Variants in UPP2 observed in about 807,000 individuals in gnomAD.
UPP2 encodes the protein UPase 2.
UPP2 carries 23 observed loss-of-function variants against 26.7 expected under a neutral mutation model. The ratio of observed to expected loss-of-function variants is 0.86; its 90% CI spans 0.62 to 1.22. The LOEUF is 1.22. Among genes scored for constraint, UPP2 ranks in the 50% most tolerant of loss-of-function variants. The probability of loss-of-function intolerance (pLI) is 0.00; values close to 1 mark genes in which losing one functional copy is unlikely to be tolerated. For synonymous variants in UPP2, 127 were observed against 141.3 expected, an observed-to-expected ratio of 0.90 and a Z score of 0.72; for missense variants, 387 against 396.7, an observed-to-expected ratio of 0.98 and a Z score of 0.21.
At chr2:158,083,739 G>C (rs1157562719) in intron 3 of UPP2, among the ~76,000 whole-genome samples, 1 of 150,194 alleles carries the variant, frequency 6.7e-6, no homozygotes, top group Admixed American at 6.7e-5. Context: ...ATTCCATCTA[G>C]GTTGCTCTGA....
In UPP2 at chr2:158,015,447, C is replaced by G. The variant is rs532752441; in HGVS notation, c.62-354C>G. Among the ~76,000 whole-genome samples, 14 of 152,262 alleles carry G rather than the reference C, an allele frequency of 9.2e-5. 1 individual carries two copies. The highest frequency in any genetic ancestry group is 3.1e-4 in the African/African-American group (13 of 41,548). Reference sequence around the variant, plus strand: ...CTTTTTTAGGCTGAATAATAATCCACTGTATGTATATGCCACATTTTGTTT... The same window carrying G: ...CTTTTTTAGGCTGAATAATAATCCAGTGTATGTATATGCCACATTTTGTTT... On this transcript the variant is annotated intron_variant, in intron 2 of 9. Transcript: ENST00000605860.
intron 3 of UPP2, among the ~76,000 whole-genome samples, chr2:158,031,171 G>T (rs1273948426): frequency 6.6e-6 from 1 of 152,128 alleles, no homozygotes; most frequent in Non-Finnish European, 1.5e-5. Flanking sequence ...GAGTGATTAG[G>T]GGAATCATTT....
chr2:158,060,053 A>G (rs1431791961), intron 3 of UPP2, among the ~76,000 whole-genome samples: 1 of 152,090 alleles, frequency 6.6e-6, no homozygotes, highest in Non-Finnish European at 1.5e-5. Flanking sequence ...AATGCACGCT[A>G]TTTTCAACCA....
chr2:158,118,331 G>A (rs1683486494), intron 4 of UPP2, among the ~76,000 whole-genome samples: 1 of 151,726 alleles, frequency 6.6e-6, no homozygotes, highest in Non-Finnish European at 1.5e-5. Flanking sequence ...TCAGCTAAGT[G>A]AGCAAACTGC....
chr2:158,096,737 T>G (rs1682992391), intron 3 of UPP2, among the ~76,000 whole-genome samples: 1 of 152,196 alleles, frequency 6.6e-6, no homozygotes, highest in African/African-American at 2.4e-5. Context: ...TAATTTGATA[T>G]CATTGCATAT....
At chr2:158,104,287 C>T (rs1365671152) in intron 1 of UPP2, among the ~76,000 whole-genome samples, 2 of 151,780 alleles carry the variant, frequency 1.3e-5, no homozygotes, top group Non-Finnish European at 2.9e-5. Context: ...AAAGCCTTCA[C>T]GGAAGAGGTA....
At chr2:158,004,412 C>T (rs1041186110) in intron 2 of UPP2, among the ~76,000 whole-genome samples, 1 of 151,976 alleles carries the variant, frequency 6.6e-6, no homozygotes, top group Non-Finnish European at 1.5e-5. Flanking sequence ...AAATCCAACA[C>T]CTAATCTATG....
intron 6 of UPP2, among the ~76,000 whole-genome samples, chr2:158,129,538 A>C (rs1000914247): frequency 1.5e-4 from 23 of 152,028 alleles, no homozygotes. Flanking sequence ...AACAGAGATG[A>C]ATTAGAATAG....
intron 1 of UPP2, among the ~76,000 whole-genome samples, chr2:158,103,587 T>C (rs1683120636): frequency 6.6e-6 from 1 of 152,190 alleles, no homozygotes; most frequent in African/African-American, 2.4e-5. Context: ...TAGATTCAGT[T>C]AGGAATCCAA....
chr2:158,001,952 A>C (rs1683414356), intron 2 of UPP2, among the ~76,000 whole-genome samples: 1 of 114,646 alleles, frequency 8.7e-6, no homozygotes, highest in Admixed American at 9.5e-5. Flanking sequence ...GGGGAGAATG[A>C]GCACCAAAAA....
intron 3 of UPP2, among the ~76,000 whole-genome samples, chr2:158,089,269 G>C (rs1682868230): frequency 6.6e-6 from 1 of 152,108 alleles, no homozygotes; most frequent in African/African-American, 2.4e-5. Context: ...GGGGAAAGTT[G>C]TTAGTTACAG....
At chr2:158,107,193 T>C (rs762581072) in intron 2 of UPP2, among the ~76,000 whole-genome samples, 4 of 152,230 alleles carry the variant, frequency 2.6e-5, no homozygotes, top group Non-Finnish European at 5.9e-5. Flanking sequence ...TAAAGAACTT[T>C]TGTTTTCCAA....
rs534788418 is a variant in UPP2 at position 158,122,353 on chromosome 2, T to A, written c.664+735T>A. Among the ~76,000 whole-genome samples, 78 of 152,226 alleles carry A rather than the reference T, an allele frequency of 5.1e-4. 1 individual carries two copies. Among genetic ancestry groups the A allele is most frequent in the Non-Finnish European group, 7.8e-4 (53 of 67,942 alleles). ...CTTTTATTTTCCCTTTAGCTCAAAC[T>A]TAAGATATATTGAATTTTAAAAAAT... On this transcript the variant is annotated intron_variant, in intron 5 of 6. Transcript: ENST00000005756.
chr2:158,005,062 C>A (rs1271606117), intron 2 of UPP2, among the ~76,000 whole-genome samples: 2 of 152,204 alleles, frequency 1.3e-5, no homozygotes, highest in African/African-American at 4.8e-5. Context: ...CACCTCTAGT[C>A]ATGTTTCCTT....
Position 158,088,353 on chromosome 2 carries a change from T to C in UPP2, c.148-13687T>C, listed in dbSNP as rs1682849898. On this transcript the variant is annotated intron_variant, in intron 3 of 9. Coordinates refer to the UPP2 transcript ENST00000605860. ...AGAAGTAGTGATTGTTTTTTATTTATGCTATTTATTTCACTGAAGCTTTTT... is the reference window on the plus strand; with the variant it reads ...AGAAGTAGTGATTGTTTTTTATTTACGCTATTTATTTCACTGAAGCTTTTT... Among the ~76,000 whole-genome samples, 3 of 152,234 alleles carry C rather than the reference T, an allele frequency of 2.0e-5. No homozygotes were observed. The South Asian group carries it at 6.2e-4, about 31-fold the overall frequency.
chr2:158,114,560 T>C (rs772339424), intron 2 of UPP2, among the ~76,000 whole-genome samples: 15 of 152,232 alleles, frequency 9.9e-5, no homozygotes, highest in Non-Finnish European at 2.1e-4. Context: ...TAAGGCTTGT[T>C]CCATGAGAAT....
intron 2 of UPP2, among the ~76,000 whole-genome samples, chr2:158,110,929 T>C (rs1683306400): frequency 6.6e-6 from 1 of 152,220 alleles, no homozygotes; most frequent in Non-Finnish European, 1.5e-5. Context: ...GATAAGTAGA[T>C]TGCAAAAATT....
intron 3 of UPP2, among the ~76,000 whole-genome samples, chr2:158,034,399 C>A (rs1225191245): frequency 6.6e-6 from 1 of 152,160 alleles, no homozygotes; most frequent in Non-Finnish European, 1.5e-5. Context: ...AAGGCTTCTG[C>A]TCAGATGCTT....
intron 4 of UPP2, among the ~76,000 whole-genome samples, chr2:158,118,287 T>TA (rs145239989): frequency 6.0e-4 from 87 of 146,200 alleles, no homozygotes; most frequent in East Asian, 4.2e-3. Flanking sequence ...TGTGTTCAAG[T>TA]AAAAAAAAAA....
Sources: gnomAD v4.1 joint callset for allele counts (sites outside exome capture counted in the v4.1 genomes callset) on GRCh38, gnomAD v4.1.1 for gene constraint, MANE v1.5 for transcripts, NCBI Gene and HGNC (gene_info 2026-07-23, HGNC 2026-07-21) for gene names.